ADGRL1: variants seen among roughly 807,000 people sequenced by gnomAD.
ADGRL1 encodes CIRL-1.
Under a neutral mutation model 148.9 loss-of-function variants are expected in ADGRL1, and 31 were observed. The ratio of observed to expected loss-of-function variants is 0.21; its 90% CI spans 0.16 to 0.28. ADGRL1 has a LOEUF of 0.28. Ranked by LOEUF, ADGRL1 falls within the 10% of genes least tolerant of loss-of-function variation. ADGRL1 has a pLI of 1.00. For missense variants in ADGRL1, 1,521 were observed against 2,058.8 expected, an observed-to-expected ratio of 0.74 and a Z score of 5.05; for synonymous variants, 937 against 900.3, an observed-to-expected ratio of 1.04 and a Z score of -0.73.
At chr19:14,193,978 A>C (rs1450097917) in intron 1 of ADGRL1, among the ~76,000 whole-genome samples, 2 of 152,126 alleles carry the variant, frequency 1.3e-5, no homozygotes, top group Non-Finnish European at 2.9e-5. Flanking sequence ...GCAGTGGCTC[A>C]CGCCTGTAAT....
In ADGRL1 at chr19:14,151,601, C is replaced by T; in HGVS notation, c.3682G>A (p.Gly1228Ser). 6.2e-7 allele frequency: 1 copy of T among 1,602,008 alleles called. No homozygotes were observed. Among genetic ancestry groups the T allele is most frequent in the Non-Finnish European group, 8.5e-7 (1 of 1,177,954 alleles). Residue 1228 changes from glycine to serine, a missense_variant, in exon 23 of 23, where the codon GGC becomes AGC. Coordinates refer to ENST00000361434, the MANE Select transcript of ADGRL1 (RefSeq NM_014921.5). ...SYREPKHPLG[G>S]REACGMDTLP... ...GTGTCCATGCCACAGGCTTCCCGGC[C>T]TCCCAAGGGGTGCTCTGCAGGGCAG...
At chr19:14,185,302 CTTTTT>C (rs1431929586) in intron 1 of ADGRL1, among the ~76,000 whole-genome samples, 2 of 151,808 alleles carry the variant, frequency 1.3e-5, no homozygotes, top group Non-Finnish European at 2.9e-5. Context: ...CTCTCTCTTT[CTTTTT>C]TTAAGAGACA....
intron 1 of ADGRL1, among the ~76,000 whole-genome samples, chr19:14,205,524 C>A (rs1212815777): frequency 6.6e-6 from 1 of 151,934 alleles, no homozygotes; most frequent in Non-Finnish European, 1.5e-5. Flanking sequence ...GCGGGGCCGG[C>A]GCGCGGCGCG....
rs761193272 is a variant in ADGRL1 at position 14,155,411 on chromosome 19, T to C, written c.3242A>G (p.Asn1081Ser). Residue 1081 changes from asparagine to serine, a missense_variant, in exon 18 of 23, where the codon AAC (asparagine) becomes AGC (serine). Asn to Ser is a conservative substitution (Grantham distance 46). Around this residue, in one of 8 missense-constraint regions of ADGRL1, gnomAD observed 185 missense variants for 251.7 expected, o/e 0.74. Coordinates refer to ENST00000361434, the MANE Select transcript of ADGRL1 (RefSeq NM_014921.5). The surrounding 1 kb of genome is among the most constrained non-coding windows in gnomAD (Gnocchi z 5.0). ...VVMAYLFTTF[N>S]AFQGVFIFVF... is the part of the protein sequence containing the mutation. Reference sequence around the variant, plus strand: ...GAAGATGAAGACCCCCTGGAAGGCGTTGAAGGTGGTGAAGAGATAGGCCAT... The same window carrying C: ...GAAGATGAAGACCCCCTGGAAGGCGCTGAAGGTGGTGAAGAGATAGGCCAT... 1.2e-6 allele frequency: 2 copies of C among 1,613,690 alleles called. No homozygotes were observed. The highest frequency in any genetic ancestry group is 1.7e-6 in the Non-Finnish European group (2 of 1,179,860).
intron 3 of ADGRL1, among the ~76,000 whole-genome samples, chr19:14,172,554 AC>A (rs2144897395): frequency 6.6e-6 from 1 of 152,112 alleles, no homozygotes; most frequent in South Asian, 2.1e-4. Context: ...AGCCTGGCCA[AC>A]ATGGTAAAAC....
In ADGRL1 at chr19:14,165,717, G is replaced by T. The variant is rs565050682; in HGVS notation, c.395-2311C>A. Among the ~76,000 whole-genome samples the T allele has an allele frequency of 3.2e-3, 485 of 152,060 alleles. 2 individuals are homozygous for T. The highest frequency in any genetic ancestry group is 0.011 in the African/African-American group (469 of 41,496). Reference sequence around the variant, plus strand: ...GAGAAAGAGAGGAGACTGGAGGGGTGTGGTGAGGGGGCGGACCTGGGGCCA... The same window carrying T: ...GAGAAAGAGAGGAGACTGGAGGGGTTTGGTGAGGGGGCGGACCTGGGGCCA... On this transcript the variant is annotated intron_variant, in intron 4 of 22. Transcript: ENST00000361434.
In ADGRL1 at chr19:14,148,521, C is replaced by T. The variant is rs1280686976; in HGVS notation, c.*2352G>A. The T allele has an allele frequency of 6.5e-6, 1 of 152,734 alleles. No individual in the cohort carries two copies. The highest frequency in any genetic ancestry group is 1.5e-5 in the Non-Finnish European group (1 of 68,470). The allele number at this position is 152,734 out of a possible 1,614,324, so 9.5% of individuals were successfully genotyped here. ...GCCAGCTCCTCGCCTGCTCATGCCT[C>T]CTGCCCGCTCTTCACAGACCTCTGA... is the stretch of plus-strand genomic sequence containing the variant. On this transcript the variant is annotated 3_prime_UTR_variant, in exon 23 of 23. Coordinates refer to ENST00000361434, the MANE Select transcript of ADGRL1 (RefSeq NM_014921.5).
At chr19:14,153,042 T>C in intron 18 of ADGRL1, 130 bp from the exon 19 acceptor site, 2 of 1,071,828 alleles carry the variant, frequency 1.9e-6, no homozygotes, top group Non-Finnish European at 1.3e-6. Flanking sequence ...TGTGTTCCCC[T>C]GTTCAGCGAC....
chr19:14,180,352 T>A (rs1971104746), intron 2 of ADGRL1, among the ~76,000 whole-genome samples: 1 of 151,984 alleles, frequency 6.6e-6, no homozygotes, highest in African/African-American at 2.4e-5. Flanking sequence ...GCCTCCCAGG[T>A]TCAAGCGATT....
At chr19:14,202,620 G>A (rs1345502590) in intron 1 of ADGRL1, among the ~76,000 whole-genome samples, 1 of 152,128 alleles carries the variant, frequency 6.6e-6, no homozygotes, top group Non-Finnish European at 1.5e-5. Context: ...GACAGGACAT[G>A]GCCACCACCC....
intron 3 of ADGRL1, among the ~76,000 whole-genome samples, chr19:14,175,216 T>G (rs1389896653): frequency 6.6e-6 from 1 of 152,044 alleles, no homozygotes; most frequent in Non-Finnish European, 1.5e-5. Flanking sequence ...CTTGTGCAGA[T>G]TTGCACACGT....
intron 4 of ADGRL1, among the ~76,000 whole-genome samples, chr19:14,163,650 C>G (rs1424142704): frequency 6.6e-6 from 1 of 152,096 alleles, no homozygotes; most frequent in East Asian, 1.9e-4. Context: ...CCAGCTGCCC[C>G]TCTCCCTGGA....
intron 2 of ADGRL1, among the ~76,000 whole-genome samples, chr19:14,181,086 A>G (rs1599479832): frequency 6.6e-6 from 1 of 152,234 alleles, no homozygotes; most frequent in Admixed American, 6.5e-5. Flanking sequence ...AACTGTGAGC[A>G]TAACATCTAG....
intron 1 of ADGRL1, among the ~76,000 whole-genome samples, chr19:14,203,480 G>A (rs1249933084): frequency 6.6e-6 from 1 of 152,114 alleles, no homozygotes; most frequent in Non-Finnish European, 1.5e-5. Context: ...GGGTAGGGAG[G>A]ACGCAGACGC....
Position 14,157,193 on chromosome 19 carries a change from C to T in ADGRL1, c.2746-48G>A. ...GGGGCTGCTGCCTGGACAGGTGTCC[C>T]CCTTCTTCTCCCGGCCCCCAGGCGC... On this transcript the variant is annotated intron_variant, in intron 14 of 22. Coordinates refer to ENST00000361434, the MANE Select transcript of ADGRL1 (RefSeq NM_014921.5). The surrounding 1 kb of genome is among the most constrained non-coding windows in gnomAD (Gnocchi z 7.5). The T allele has an allele frequency of 1.2e-6, 2 of 1,613,150 alleles. No homozygotes were observed. The highest frequency in any genetic ancestry group is 1.7e-6 in the Non-Finnish European group (2 of 1,179,354).
chr19:14,162,348 T>G lies in ADGRL1; in HGVS notation c.1195+258A>C, dbSNP rs1969480588. Among the ~76,000 whole-genome samples the G allele has an allele frequency of 6.6e-6, 1 of 152,100 alleles. No individual in the cohort carries two copies. The highest frequency in any genetic ancestry group is 6.5e-5 in the Admixed American group (1 of 15,282). ...GCTGGGTTCAAATCCTCAAATAACT[T>G]AATCCCCTACCCACACAGAGCCTCA... On this transcript the variant is annotated intron_variant, in intron 5 of 22. Transcript: ENST00000361434. The surrounding 1 kb of genome is among the most constrained non-coding windows in gnomAD (Gnocchi z 5.4).
In ADGRL1 at chr19:14,158,442, C is replaced by T. The variant is rs141128420; in HGVS notation, c.2260G>A (p.Ala754Thr). 4.5e-5 allele frequency: 73 copies of T among 1,613,826 alleles called. No individual in the cohort carries two copies. In the African/African-American group the frequency reaches 6.9e-4, roughly 15 times the overall value. The stretch of plus-strand genomic sequence containing the variant: ...ACCTGTGAGTTCACCACTAGAGAGG[C>T]GCCCCCAGGGCCACCCGGGCCTGCT... ...GEAGPGGPGGASLVVNSQVIA... is the reference protein window; with the variant it reads ...GEAGPGGPGGTSLVVNSQVIA... Residue 754 changes from alanine (A) to threonine (T), a missense_variant, in exon 12 of 23, where the codon GCC becomes ACC. Ala to Thr is a moderately conservative substitution (Grantham distance 58, BLOSUM62 0). Transcript: ENST00000361434.
Position 14,152,522 on chromosome 19 carries a change from T to C in ADGRL1, c.3515A>G (p.Asn1172Ser). Reference protein sequence around the residue: ...AGDINSTPTLNRGTMGNHLLT... With the variant: ...AGDINSTPTLSRGTMGNHLLT... ...GCAGAAGGATGCCTTCTCACCTCGG[T>C]TCAGGGTGGGGGTGCTGTTGATGTC... The change falls in exon 20 of 23, where the codon AAC becomes AGC. Residue 1172 changes from asparagine to serine, a missense_variant. Physicochemically the swap from Asn to Ser is conservative, Grantham distance 46. Around this residue, in one of 8 missense-constraint regions of ADGRL1, gnomAD observed 47 missense variants for 64.6 expected, o/e 0.73. Coordinates refer to ENST00000361434, the MANE Select transcript of ADGRL1 (RefSeq NM_014921.5). The surrounding 1 kb of genome is among the most constrained non-coding windows in gnomAD (Gnocchi z 6.1). 1 of 1,613,990 alleles carries C rather than the reference T, an allele frequency of 6.2e-7. No individual in the cohort carries two copies. Among genetic ancestry groups the C allele is most frequent in the Non-Finnish European group, 8.5e-7 (1 of 1,179,914 alleles).
chr19:14,169,261 T>G (rs1970265158), intron 4 of ADGRL1: 1 of 152,234 alleles, frequency 6.6e-6, no homozygotes, highest in South Asian at 2.1e-4. Context: ...GGCCAAGCGC[T>G]TCTCACATGT....
Sources: allele counts gnomAD v4.1 joint callset (sites outside exome capture counted in the v4.1 genomes callset), GRCh38; gene constraint gnomAD v4.1.1; regional missense constraint gnomAD v4.1.1; non-coding constraint Gnocchi (gnomAD v3.1); transcripts MANE v1.5; gene names NCBI Gene and HGNC (gene_info 2026-07-23, HGNC 2026-07-21).